AXDND1: variants seen among roughly 807,000 people sequenced by gnomAD.
The protein encoded by AXDND1 is axonemal dynein light chain domain-containing protein 1.
A neutral mutation model predicts 137.5 loss-of-function variants in AXDND1; 110 were observed. The ratio of observed to expected loss-of-function variants is 0.80; its 90% CI spans 0.69 to 0.94. AXDND1 has a LOEUF of 0.94. AXDND1 is among the 40% of genes least tolerant of loss of function. The pLI, the probability that AXDND1 is intolerant of heterozygous loss-of-function variation, is 0.00. For missense variants in AXDND1, 1,191 were observed against 1,169.8 expected (o/e 1.02, Z -0.26); for synonymous variants, 414 against 399.7 (o/e 1.04, Z -0.43).
At chr1:179,378,591 C>CATTTA in intron 4 of AXDND1, 46 bp from the exon 5 acceptor site, 1 of 1,415,412 alleles carries the variant, frequency 7.1e-7, no homozygotes, top group Non-Finnish European at 9.5e-7. Context: ...TATGTGGTAT[C>CATTTA]CAGATAGAAA....
At position 179,385,277 on chromosome 1, in the gene AXDND1, A is replaced by G; in HGVS notation, c.781A>G (p.Ile261Val). 1.9e-6 allele frequency: 3 copies of G among 1,612,134 alleles called. No homozygotes were observed. The highest frequency in any genetic ancestry group is 2.5e-6 in the Non-Finnish European group (3 of 1,178,210). The change falls in exon 9 of 26, where the codon ATT (isoleucine) becomes GTT (valine). Residue 261 changes from isoleucine to valine, a missense_variant. By Grantham distance (29) the Ile-to-Val change is conservative. Transcript: ENST00000367618. ...ACATATATTGAAGAAGGAACAGACC[A>G]TTTACAACATGATATTTCATGAACT... The part of the protein sequence containing the change: ...LLHILKKEQT[I>V]YNMIFHELIR...
intron 11 of AXDND1, 129 bp from the exon 12 acceptor site, chr1:179,411,017 A>G (rs1653785354): frequency 2.9e-6 from 2 of 689,720 alleles, no homozygotes; most frequent in East Asian, 3.3e-5. Flanking sequence ...CAATTATACC[A>G]TAATTACCTT....
rs948072599 is a variant in AXDND1, at chr1:179,518,692, A to G, written c.2497-6642A>G. Among the ~76,000 whole-genome samples the G allele has an allele frequency of 2.6e-5, 4 of 152,154 alleles. No individual in the cohort carries two copies. In the South Asian group the frequency reaches 8.3e-4, roughly 32 times the overall value. ...GCTAAGAATAATGGCCTCTAGCTCC[A>G]TCCATGTCCCTGCAAATGACATGAT... is the stretch of plus-strand genomic sequence containing the variant. On this transcript the variant is annotated intron_variant, in intron 21 of 25. Coordinates refer to ENST00000367618, the MANE Select transcript of AXDND1 (RefSeq NM_144696.6).
At chr1:179,421,445 G>A (rs9662696) in intron 12 of AXDND1, among the ~76,000 whole-genome samples, 94,191 of 145,210 alleles carry the variant, frequency 0.65, 30,840 homozygotes, top group Middle Eastern at 0.7. Flanking sequence ...GTGGGGTGGC[G>A]TGATCTCAGC....
chr1:179,552,910 T>C (rs991292800), intron 25 of AXDND1, among the ~76,000 whole-genome samples: 4 of 152,244 alleles, frequency 2.6e-5, no homozygotes, highest in Non-Finnish European at 5.9e-5. Flanking sequence ...GAGCTGTAGT[T>C]TCTCATTATC....
At chr1:179,373,319 A>G (rs1429085113) in intron 4 of AXDND1, among the ~76,000 whole-genome samples, 1 of 152,236 alleles carries the variant, frequency 6.6e-6, no homozygotes, top group Admixed American at 6.5e-5. Flanking sequence ...GCTCAACGAA[A>G]TAAAAGAGAA....
chr1:179,400,904 C>CAAAAAAAAAA (rs151090012), intron 11 of AXDND1, among the ~76,000 whole-genome samples: 177 of 53,620 alleles, frequency 3.3e-3, no homozygotes, highest in East Asian at 9.2e-3. Flanking sequence ...GACTCTGTCT[C>CAAAAAAAAAA]AAAAAAAAAA....
chr1:179,407,058 G>C (rs1653079942), intron 11 of AXDND1, among the ~76,000 whole-genome samples: 1 of 152,006 alleles, frequency 6.6e-6, no homozygotes, highest in South Asian at 2.1e-4. Flanking sequence ...GTGTTTGCAT[G>C]ATGGTAGATA....
At chr1:179,461,658 C>T (rs533029878) in intron 16 of AXDND1, among the ~76,000 whole-genome samples, 43 of 152,230 alleles carry the variant, frequency 2.8e-4, no homozygotes, top group South Asian at 6.2e-4. Context: ...GCCATTTTCA[C>T]GATATTGATT....
intron 18 of AXDND1, among the ~76,000 whole-genome samples, chr1:179,489,028 T>C (rs12724074): frequency 0.5 from 73,344 of 146,726 alleles, 21,508 homozygotes; most frequent in East Asian, 0.76. Context: ...CTACCACACC[T>C]GGCACATTTA....
intron 16 of AXDND1, chr1:179,454,601 T>A (rs1490183876): frequency 3.3e-5 from 5 of 152,218 alleles, no homozygotes; most frequent in Admixed American, 3.3e-4. Flanking sequence ...GAGAGTATTG[T>A]GGGATGGCTG....
chr1:179,539,633 C>G (rs988757163), intron 25 of AXDND1, among the ~76,000 whole-genome samples: 2 of 152,198 alleles, frequency 1.3e-5, no homozygotes, highest in Non-Finnish European at 2.9e-5. Flanking sequence ...TTTTTTCCTT[C>G]ATTTCAATCT....
At chr1:179,464,777 A>G (rs1266042468) in intron 16 of AXDND1, among the ~76,000 whole-genome samples, 1 of 151,848 alleles carries the variant, frequency 6.6e-6, no homozygotes, top group East Asian at 1.9e-4. Flanking sequence ...TGGTCTTTTC[A>G]CATAGTCGCA....
intron 11 of AXDND1, among the ~76,000 whole-genome samples, chr1:179,410,361 G>C (rs1161179609): frequency 6.6e-6 from 1 of 152,102 alleles, no homozygotes; most frequent in Non-Finnish European, 1.5e-5. Context: ...CTCCCAAATA[G>C]CTGGAACTAC....
chr1:179,496,358 C>G (rs1321282103), intron 20 of AXDND1, among the ~76,000 whole-genome samples: 1 of 151,954 alleles, frequency 6.6e-6, no homozygotes. Flanking sequence ...TTTTAACTAA[C>G]AAATATAGAG....
chr1:179,505,294 C>T (rs541512511), intron 20 of AXDND1, among the ~76,000 whole-genome samples: 87 of 79,948 alleles, frequency 1.1e-3, no homozygotes, highest in African/African-American at 3.7e-3. Context: ...GAGAGTTTCC[C>T]ACAAGCTAAT....
intron 10 of AXDND1, 137 bp from the exon 11 acceptor site, chr1:179,394,961 G>A: frequency 6.4e-6 from 4 of 622,384 alleles, no homozygotes; most frequent in Non-Finnish European, 8.2e-6. Flanking sequence ...TCTTGATTTG[G>A]TTTATAAGGT....
chr1:179,541,630 C>A (rs1017138020), intron 25 of AXDND1, among the ~76,000 whole-genome samples: 1 of 151,404 alleles, frequency 6.6e-6, no homozygotes, highest in African/African-American at 2.4e-5. Flanking sequence ...TTAAAACATG[C>A]ATATATTTAT....
intron 21 of AXDND1, among the ~76,000 whole-genome samples, chr1:179,512,035 G>C (rs184091469): frequency 2.0e-5 from 3 of 152,302 alleles, no homozygotes; most frequent in Admixed American, 1.3e-4. Flanking sequence ...TCTGCTGACT[G>C]TTCCTTTTGC....
Sources: gnomAD v4.1 joint callset for allele counts (sites outside exome capture counted in the v4.1 genomes callset) on GRCh38, gnomAD v4.1.1 for gene constraint, MANE v1.5 for transcripts, NCBI Gene and HGNC (gene_info 2026-07-23, HGNC 2026-07-21) for gene names.